The following GADL1 variants were observed in gnomAD, a reference collection of about 807,000 sequenced individuals.
GADL1 encodes the protein acidic amino acid decarboxylase GADL1.
A neutral mutation model predicts 69.5 loss-of-function variants in GADL1; 71 were observed. The ratio of observed to expected loss-of-function variants is 1.02; its 90% confidence interval spans 0.84 to 1.25. GADL1 has a LOEUF of 1.25. Among genes scored for constraint, GADL1 ranks in the 50% most tolerant of loss-of-function variants. The pLI is 0.00. For missense variants in GADL1, 737 were observed against 631.8 expected (o/e 1.17, Z -1.79); for synonymous variants, 254 against 214.4 (o/e 1.18, Z -1.62).
In GADL1 at chr3:30,778,167, C is replaced by CT. The variant is rs778684000; in HGVS notation, c.1392+11dup. ...TCATCAAAAAGAAAAATACCATTTA[C>CT]TTATTACTTACCAAATTAAGTTTTG... On this transcript the variant is annotated intron_variant, in intron 14 of 14. Coordinates refer to ENST00000282538, the MANE Select transcript of GADL1 (RefSeq NM_207359.3). 21 of 1,366,864 alleles carry CT rather than the reference C, an allele frequency of 1.5e-5. No individual in the cohort carries two copies. Among genetic ancestry groups the CT allele is most frequent in the Non-Finnish European group, 2.9e-6 (3 of 1,017,604 alleles). The allele number at this position is 1,366,864 out of a possible 1,614,324, so 84.7% of individuals were successfully genotyped here.
intron 2 of GADL1, among the ~76,000 whole-genome samples, chr3:30,858,683 G>A (rs72851430): frequency 1.3e-5 from 2 of 151,840 alleles, no homozygotes; most frequent in Non-Finnish European, 2.9e-5. Flanking sequence ...TTAGGACAAG[G>A]CACCTTCAGA....
chr3:30,881,721 A>G (rs1341780082), intron 1 of GADL1, among the ~76,000 whole-genome samples: 1 of 151,974 alleles, frequency 6.6e-6, no homozygotes, highest in African/African-American at 2.4e-5. Flanking sequence ...TAAATTTGTT[A>G]AGGGACTGCT....
intron 1 of GADL1, among the ~76,000 whole-genome samples, chr3:30,886,221 C>T (rs968728137): frequency 6.6e-6 from 1 of 151,924 alleles, no homozygotes; most frequent in African/African-American, 2.4e-5. Flanking sequence ...TAATAAGAAG[C>T]CCAATAGATA....
intron 1 of GADL1, among the ~76,000 whole-genome samples, chr3:30,876,600 A>G (rs1698579448): frequency 6.6e-6 from 1 of 151,962 alleles, no homozygotes; most frequent in Non-Finnish European, 1.5e-5. Flanking sequence ...GTGTTTCTTC[A>G]GGTGTCTCTT....
chr3:30,816,988 C>G (rs1503094), intron 11 of GADL1, among the ~76,000 whole-genome samples: 1 of 152,044 alleles, frequency 6.6e-6, no homozygotes, highest in Non-Finnish European at 1.5e-5. Context: ...GCTCAGCATA[C>G]CCTCTAAAAA....
Position 30,818,920 on chromosome 3 carries a change from A to G in GADL1, c.1050+14933T>C, listed in dbSNP as rs1424953578. Reference sequence around the variant, plus strand: ...TCACTTGAGGCCTGCTTCTTGCTTCATGCCCCTATTTCCAGGCTTCATTGT... The same window carrying G: ...TCACTTGAGGCCTGCTTCTTGCTTCGTGCCCCTATTTCCAGGCTTCATTGT... On this transcript the variant is annotated intron_variant, in intron 11 of 14. Transcript: ENST00000282538. 2.0e-5 allele frequency among the ~76,000 whole-genome samples: 3 copies of G among 152,064 alleles called. No individual in the cohort carries two copies. In the East Asian group the frequency reaches 5.8e-4, roughly 29 times the overall value.
intron 11 of GADL1, among the ~76,000 whole-genome samples, chr3:30,832,297 G>A (rs1195855854): frequency 6.7e-6 from 1 of 149,906 alleles, no homozygotes; most frequent in African/African-American, 2.5e-5. Context: ...CATGAAAATA[G>A]ACATGGGTTT....
chr3:30,790,168 T>C (rs1009394448), intron 12 of GADL1, among the ~76,000 whole-genome samples: 6 of 152,180 alleles, frequency 3.9e-5, no homozygotes, highest in Admixed American at 3.9e-4. Flanking sequence ...TGTAGAGTTA[T>C]TAGTTGGCCT....
At chr3:30,742,129 A>G (rs1695635499) in intron 14 of GADL1, among the ~76,000 whole-genome samples, 1 of 152,170 alleles carries the variant, frequency 6.6e-6, no homozygotes, top group Non-Finnish European at 1.5e-5. Context: ...CAGCTATTTT[A>G]GTCTTCCCAG....
chr3:30,762,274 G>T (rs1425502876), intron 14 of GADL1, among the ~76,000 whole-genome samples: 3 of 152,202 alleles, frequency 2.0e-5, no homozygotes, highest in Non-Finnish European at 2.9e-5. Flanking sequence ...TAATCTAGGT[G>T]AGAAAAGAGA....
At chr3:30,794,806 C>T (rs958745118) in intron 12 of GADL1, among the ~76,000 whole-genome samples, 20 of 152,132 alleles carry the variant, frequency 1.3e-4, no homozygotes, top group African/African-American at 4.3e-4. Context: ...GCTATCTGAT[C>T]GGTGCAGTGA....
chr3:30,797,336 C>T (rs1221143973), intron 12 of GADL1, among the ~76,000 whole-genome samples: 2 of 152,194 alleles, frequency 1.3e-5, no homozygotes, highest in Non-Finnish European at 2.9e-5. Flanking sequence ...AATACCCACA[C>T]TACTCCCAGT....
At chr3:30,786,043 G>A (rs1223863484) in intron 13 of GADL1, among the ~76,000 whole-genome samples, 1 of 152,104 alleles carries the variant, frequency 6.6e-6, no homozygotes, top group African/African-American at 2.4e-5. Flanking sequence ...CTACATCACA[G>A]ATGAATATTT....
intron 14 of GADL1, among the ~76,000 whole-genome samples, chr3:30,764,861 C>A (rs1009586690): frequency 1.3e-5 from 2 of 152,164 alleles, no homozygotes; most frequent in East Asian, 3.9e-4. Flanking sequence ...TGCTGTGGCA[C>A]TGCCAACATT....
In GADL1 at chr3:30,844,221, C is replaced by G; in HGVS notation, c.775G>C (p.Ala259Pro). 6.2e-7 allele frequency: 1 copy of G among 1,612,624 alleles called. No individual in the cohort carries two copies. ...TTCTCCCCTCTCACCTCTTTTCTGG[C>G]TTGCCAGACTTGCTTCTCCAGTTCC... ...PEELEKQVWQ[A>P]RKEGAAPFLV... Residue 259 changes from alanine (A) to proline (P), a missense_variant, in exon 8 of 15, where the codon GCC becomes CCC. Transcript: ENST00000282538.
chr3:30,736,380 G>A (rs779270588), intron 14 of GADL1, among the ~76,000 whole-genome samples: 1 of 152,040 alleles, frequency 6.6e-6, no homozygotes, highest in Non-Finnish European at 1.5e-5. Context: ...ATTCAGAGCC[G>A]ATAATCCTTT....
At position 30,782,226 on chromosome 3, in the gene GADL1, T is replaced by TC. The variant is rs1696680843; in HGVS notation, c.1303-3959dup. 2.6e-5 allele frequency among the ~76,000 whole-genome samples: 4 copies of TC among 152,240 alleles called. No homozygotes were observed. In the South Asian group the frequency reaches 8.3e-4, roughly 32 times the overall value. On this transcript the variant is annotated intron_variant, in intron 13 of 14. Transcript: ENST00000282538. ...AGAGTTTCACTATAGGAAATAGATC[T>TC]CATCTTTGAAAAGCTGCTCTAGCAG...
At chr3:30,843,301 G>A (rs1698000006) in intron 8 of GADL1, among the ~76,000 whole-genome samples, 2 of 148,498 alleles carry the variant, frequency 1.3e-5, no homozygotes, top group Admixed American at 1.4e-4. Flanking sequence ...TGTCTCTCAG[G>A]CTGGAGTGCA....
In GADL1 at chr3:30,854,689, T is replaced by C; in HGVS notation, c.428+10A>G. 7 of 1,502,966 alleles carry C rather than the reference T, an allele frequency of 4.7e-6. No homozygotes were observed. Among genetic ancestry groups the C allele is most frequent in the Non-Finnish European group, 6.3e-6 (7 of 1,104,526 alleles). The allele number at this position is 1,502,966 out of a possible 1,614,324, so 93.1% of individuals were successfully genotyped here. On this transcript the variant is annotated intron_variant, in intron 4 of 14. Transcript: ENST00000282538. ...CGTTTGGTGTGAAATTTCTATAGCA[T>C]GGCACTTACACACTTGGATTCAATG...
Sources: gnomAD v4.1 joint callset for allele counts (sites outside exome capture counted in the v4.1 genomes callset) on GRCh38, gnomAD v4.1.1 for gene constraint, MANE v1.5 for transcripts, NCBI Gene and HGNC (gene_info 2026-07-23, HGNC 2026-07-21) for gene names.